The following XIRP2 variants were observed in gnomAD, a reference collection of about 807,000 sequenced individuals.
XIRP2 encodes xin actin-binding repeat-containing protein 2.
A neutral mutation model predicts 277.0 loss-of-function variants in XIRP2; 236 were observed. The observed-to-expected ratio is 0.85, with a 90% confidence interval of 0.77 to 0.95. The LOEUF (loss-of-function observed/expected upper bound fraction) is 0.95, where lower values mean the gene tolerates loss of function less well. Ranked by LOEUF, XIRP2 falls within the 40% of genes least tolerant of loss-of-function variation. The pLI is 0.00. For missense variants in XIRP2, 4,640 were observed against 4,157.5 expected (o/e 1.12, Z -3.19); for synonymous variants, 1,490 against 1,416.5 (o/e 1.05, Z -1.17).
At chr2:167,253,905 G>C in intron 9 of XIRP2, 127 bp from the exon 10 acceptor site, 2 of 1,067,542 alleles carry the variant, frequency 1.9e-6, no homozygotes, top group Admixed American at 5.6e-5. Flanking sequence ...AACATCATAA[G>C]GACAGTAGTC....
At position 167,251,592 on chromosome 2, in the gene XIRP2, G is replaced by C; in HGVS notation, c.10200G>C (p.Lys3400Asn). Residue 3400 changes from lysine to asparagine, a missense_variant, in exon 9 of 11, where the codon AAG (lysine) becomes AAC (asparagine). Transcript: ENST00000409195. ...AACATCCTAGAGAACTGCGAGAAAA[G>C]ATTCCTGTTAAGCAGCCCAGGATCT... ...SCKHPRELRE[K>N]IPVKQPRICS... is the part of the protein sequence containing the mutation. The C allele has an allele frequency of 6.2e-7, 1 of 1,613,556 alleles. No homozygotes were observed. Among genetic ancestry groups the C allele is most frequent in the Admixed American group, 1.7e-5 (1 of 59,966 alleles).
intron 2 of XIRP2, among the ~76,000 whole-genome samples, chr2:166,965,224 T>C (rs1686400290): frequency 6.6e-6 from 1 of 151,888 alleles, no homozygotes; most frequent in South Asian, 2.1e-4. Context: ...TAACACACCT[T>C]CTGACCTGAC....
At chr2:167,212,375 G>A (rs1272514306) in intron 4 of XIRP2, among the ~76,000 whole-genome samples, 1 of 152,172 alleles carries the variant, frequency 6.6e-6, no homozygotes, top group African/African-American at 2.4e-5. Context: ...TAGGAAGATT[G>A]ACCTTGCCAG....
rs867612378 is a variant in XIRP2 at position 166,934,210 on chromosome 2, A to C, written c.408+30320A>C. 3.7e-4 allele frequency among the ~76,000 whole-genome samples: 56 copies of C among 150,890 alleles called. 1 individual carries two copies. The highest frequency in any genetic ancestry group is 8.3e-4 in the South Asian group (4 of 4,810). The stretch of plus-strand genomic sequence containing the variant: ...AAATCAACAGCAAAAAAAAAAAAAA[A>C]AAAACAAAACTAGGGTCTCTCTCTC... On this transcript the variant is annotated intron_variant, in intron 2 of 10. Transcript: ENST00000409195.
At chr2:167,071,109 T>C (rs1689426823) in intron 2 of XIRP2, among the ~76,000 whole-genome samples, 1 of 152,162 alleles carries the variant, frequency 6.6e-6, no homozygotes, top group South Asian at 2.1e-4. Flanking sequence ...GTACACATAA[T>C]ATTAAGGGTT....
chr2:167,159,144 C>T (rs757161187), intron 3 of XIRP2, among the ~76,000 whole-genome samples: 5 of 152,164 alleles, frequency 3.3e-5, no homozygotes, highest in African/African-American at 1.2e-4. Context: ...CTTGGTATAC[C>T]GGGGGAGGAA....
chr2:166,899,628 T>C (rs1185885740), intron 1 of XIRP2, among the ~76,000 whole-genome samples: 1 of 152,180 alleles, frequency 6.6e-6, no homozygotes, highest in East Asian at 1.9e-4. Context: ...AAAGATCATT[T>C]TGTTAGACAA....
chr2:167,240,778 A>T, intron 7 of XIRP2, 42 bp downstream of exon 7: 2 of 1,556,132 alleles, frequency 1.3e-6, no homozygotes, highest in Non-Finnish European at 1.8e-6. Flanking sequence ...CCTTTCTCCT[A>T]TTGATGTGTT....
At chr2:167,187,275 C>T in intron 3 of XIRP2, 1 of 985,256 alleles carries the variant, frequency 1.0e-6, no homozygotes, top group Non-Finnish European at 1.2e-6. Context: ...TTGACTCAGG[C>T]CCCACCTATA....
At chr2:167,232,442 GA>G (rs76083331) in intron 5 of XIRP2, among the ~76,000 whole-genome samples, 22,973 of 150,734 alleles carry the variant, frequency 0.15, 2,172 homozygotes, top group African/African-American at 0.27. Flanking sequence ...CTCTGGTGGA[GA>G]AAAAAAAATG....
chr2:167,251,746 A>G lies in XIRP2; in HGVS notation c.10354A>G (p.Lys3452Glu), dbSNP rs1695511311. The change falls in exon 9 of 11, where the codon AAG becomes GAG. Residue 3452 changes from lysine (K) to glutamate (E), a missense_variant. Lys to Glu is a moderately conservative substitution (Grantham distance 56). Transcript: ENST00000409195. ...AGCTGGCAAATCTGGCTGTGACTTCAAGCATGCCCCACCAACCTATGAGGA... is the reference window on the plus strand; with the variant it reads ...AGCTGGCAAATCTGGCTGTGACTTCGAGCATGCCCCACCAACCTATGAGGA... ...SEAGKSGCDF[K>E]HAPPTYEDVI... is the part of the protein sequence containing the mutation. The G allele has an allele frequency of 3.1e-6, 5 of 1,613,364 alleles. No homozygotes were observed. Among genetic ancestry groups the G allele is most frequent in the Non-Finnish European group, 4.2e-6 (5 of 1,179,574 alleles).
intron 4 of XIRP2, among the ~76,000 whole-genome samples, chr2:167,212,130 A>G (rs1306672064): frequency 1.3e-5 from 2 of 152,248 alleles, no homozygotes; most frequent in African/African-American, 4.8e-5. Context: ...TCATTAAAAT[A>G]CATTTTAGAC....
chr2:167,037,173 A>G (rs1177310561), intron 2 of XIRP2, among the ~76,000 whole-genome samples: 1 of 152,224 alleles, frequency 6.6e-6, no homozygotes, highest in African/African-American at 2.4e-5. Context: ...ACAAAGAAAC[A>G]TCAGACTTAA....
intron 3 of XIRP2, among the ~76,000 whole-genome samples, chr2:167,196,070 T>C (rs1170480496): frequency 6.6e-6 from 1 of 152,110 alleles, no homozygotes; most frequent in African/African-American, 2.4e-5. Flanking sequence ...GAGAGATTCA[T>C]AGTTCTGCAC....
At chr2:167,203,640 C>T (rs1048127564) in intron 3 of XIRP2, among the ~76,000 whole-genome samples, 3 of 152,180 alleles carry the variant, frequency 2.0e-5, no homozygotes, top group African/African-American at 4.8e-5. Context: ...CTGTGCTGTA[C>T]ACTTGCTTTC....
At chr2:166,900,923 G>A (rs1308382357) in intron 1 of XIRP2, among the ~76,000 whole-genome samples, 4 of 152,198 alleles carry the variant, frequency 2.6e-5, no homozygotes, top group East Asian at 3.9e-4. Flanking sequence ...GAGGAGCCCC[G>A]TCACCATCAA....
intron 2 of XIRP2, among the ~76,000 whole-genome samples, chr2:166,908,163 A>G (rs1244729601): frequency 2.0e-5 from 3 of 152,114 alleles, no homozygotes; most frequent in Admixed American, 2.0e-4. Flanking sequence ...TGGTATGTCT[A>G]CTTCTAGATC....
At position 167,026,789 on chromosome 2, in the gene XIRP2, C is replaced by T. The variant is rs1012731539; in HGVS notation, c.409-109120C>T. ...AGAATGTTGAATGTTGGCCCCCACT[C>T]TCTTCTGGGTTGAATATTCTTTTCT... On this transcript the variant is annotated intron_variant, in intron 2 of 10. Coordinates refer to ENST00000409195, the MANE Select transcript of XIRP2 (RefSeq NM_152381.6). Among the ~76,000 whole-genome samples the T allele has an allele frequency of 3.3e-5, 5 of 151,936 alleles. No individual in the cohort carries two copies. In the East Asian group the frequency reaches 9.7e-4, roughly 29 times the overall value.
At chr2:167,053,894 G>A (rs1331232489) in intron 2 of XIRP2, among the ~76,000 whole-genome samples, 1 of 152,182 alleles carries the variant, frequency 6.6e-6, no homozygotes, top group Admixed American at 6.5e-5. Flanking sequence ...GGAGTAAGCT[G>A]AGTGAGAAGA....
Sources: gnomAD v4.1 joint callset for allele counts (sites outside exome capture counted in the v4.1 genomes callset) on GRCh38, gnomAD v4.1.1 for gene constraint, MANE v1.5 for transcripts, NCBI Gene and HGNC (gene_info 2026-07-23, HGNC 2026-07-21) for gene names.